The following HRK variants were observed in gnomAD, a reference collection of about 807,000 sequenced individuals.
HRK encodes the protein harakiri, BCL2 interacting protein.
In HRK, 6 loss-of-function variants were observed where a neutral mutation model predicts 5.9. The ratio of observed to expected loss-of-function variants is 1.02; its 90% CI spans 0.56 to 2.01. The LOEUF (loss-of-function observed/expected upper bound fraction) is 2.01. HRK is among the 30% of genes most tolerant of loss of function. The pLI is 0.00. For missense variants in HRK, 133 were observed against 128.3 expected, an observed-to-expected ratio of 1.04 and a Z score of -0.18; for synonymous variants, 85 against 65.1, an observed-to-expected ratio of 1.31 and a Z score of -1.47.
intron 1 of HRK, 148 bp downstream of exon 1, chr12:116,880,828 G>A (rs1374407437): frequency 3.0e-6 from 1 of 332,010 alleles, no homozygotes; most frequent in Non-Finnish European, 5.4e-6. Flanking sequence ...AAGAGGAGAG[G>A]TGGAGATGCT....
rs1878340551 is a variant in HRK, at chr12:116,860,926, C to T, written c.*597G>A. The T allele has an allele frequency of 6.6e-6, 1 of 152,106 alleles. No homozygotes were observed. Among genetic ancestry groups the T allele is most frequent in the African/African-American group, 2.4e-5 (1 of 41,394 alleles). The allele number at this position is 152,106 out of a possible 1,614,324, so 9.4% of individuals were successfully genotyped here. A position where few individuals can be genotyped will look rare whatever the true frequency, so the allele number is the denominator to read the frequency against. ...ACCTAGGTAAGTACAGAGGGAGAGGCTAGGACGAGTCAAGAAATGGAGGCA... is the reference window on the plus strand; with the variant it reads ...ACCTAGGTAAGTACAGAGGGAGAGGTTAGGACGAGTCAAGAAATGGAGGCA... On this transcript the variant is annotated 3_prime_UTR_variant, in exon 2 of 2. Transcript: ENST00000257572.
rs1879013760 is a variant in HRK at position 116,878,382 on chromosome 12, A to G, written c.*56+2594T>C. The G allele has an allele frequency of 6.6e-6, 1 of 152,176 alleles. No homozygotes were observed. The highest frequency in any genetic ancestry group is 1.5e-5 in the Non-Finnish European group (1 of 68,050). The allele number at this position is 152,176 out of a possible 1,614,324, so 9.4% of individuals were successfully genotyped here. ...TTCTTTTAGGGTAGGGAAGGTGGAGAGCACCCCATATCCAGCATAGAACGC... is the reference window on the plus strand; with the variant it reads ...TTCTTTTAGGGTAGGGAAGGTGGAGGGCACCCCATATCCAGCATAGAACGC... On this transcript the variant is annotated intron_variant, in intron 1 of 1. Transcript: ENST00000257572. The surrounding 1 kb of genome is among the most constrained non-coding windows in gnomAD (Gnocchi z 4.4).
intron 1 of HRK, among the ~76,000 whole-genome samples, chr12:116,873,613 T>A (rs1214777508): frequency 6.6e-6 from 1 of 152,056 alleles, no homozygotes; most frequent in African/African-American, 2.4e-5. Flanking sequence ...GCTCAAGCAA[T>A]CTTCCCACCT....
At chr12:116,880,410 A>G (rs945056824) in intron 1 of HRK, among the ~76,000 whole-genome samples, 2 of 152,182 alleles carry the variant, frequency 1.3e-5, no homozygotes, top group African/African-American at 2.4e-5. Flanking sequence ...AGATTGGGCC[A>G]GCCAGAAACC....
rs114116817 is a variant in HRK, at chr12:116,875,094, A to C, written c.*56+5882T>G. Among the ~76,000 whole-genome samples the C allele has an allele frequency of 4.5e-3, 683 of 152,328 alleles. 7 individuals carry two copies. The highest frequency in any genetic ancestry group is 0.015 in the African/African-American group (644 of 41,570). On this transcript the variant is annotated intron_variant, in intron 1 of 1. Transcript: ENST00000257572. ...TATAAAAAACACACATAAAAACAAT[A>C]CAGTATAATTAGTTACATAGCACTT... is the stretch of plus-strand genomic sequence containing the variant.
At chr12:116,864,858 C>T (rs974305702) in intron 1 of HRK, among the ~76,000 whole-genome samples, 9 of 152,154 alleles carry the variant, frequency 5.9e-5, no homozygotes, top group African/African-American at 2.2e-4. Context: ...TTTAAAACAT[C>T]AAGTCCATCA....
Position 116,862,375 on chromosome 12 carries a change from TAGTC to T in HRK, c.*57-913_*57-910del, listed in dbSNP as rs752763972. Among the ~76,000 whole-genome samples, 4 of 152,218 alleles carry T rather than the reference TAGTC, an allele frequency of 2.6e-5. No individual in the cohort carries two copies. In the East Asian group the frequency reaches 5.8e-4, roughly 22 times the overall value. ...GTGGTCTTTCCATACAATGGACTAT[TAGTC>T]AGCCATCAAAAAGGAATGAAGTATT... is the stretch of plus-strand genomic sequence containing the variant. On this transcript the variant is annotated intron_variant, in intron 1 of 1. Coordinates refer to ENST00000257572, the MANE Select transcript of HRK (RefSeq NM_003806.4). This position sits in a 1 kb window ranked among gnomAD's most constrained non-coding sequence, Gnocchi z 4.0.
rs945932595 is a variant in HRK at position 116,861,352 on chromosome 12, C to T, written c.*171G>A. 6.6e-6 allele frequency: 1 copy of T among 152,244 alleles called. No individual in the cohort carries two copies. The highest frequency in any genetic ancestry group is 2.4e-5 in the African/African-American group (1 of 41,448). The allele number at this position is 152,244 out of a possible 1,614,324, so 9.4% of individuals were successfully genotyped here. A position where few individuals can be genotyped will look rare whatever the true frequency, so the allele number is the denominator to read the frequency against. On this transcript the variant is annotated 3_prime_UTR_variant, in exon 2 of 2. Transcript: ENST00000257572. ...TGTGTTTCTACGATCGCTCCAGGCG[C>T]TGTCTTTACTCTCCACTTCCTTCTC... is the stretch of plus-strand genomic sequence containing the variant.
At chr12:116,876,467 A>C (rs1418655793) in intron 1 of HRK, among the ~76,000 whole-genome samples, 1 of 152,198 alleles carries the variant, frequency 6.6e-6, no homozygotes, top group African/African-American at 2.4e-5. Context: ...TCATTAAAGC[A>C]GGCTCCCGCT....
Position 116,857,071 on chromosome 12 carries a change from A to G in HRK, c.*4452T>C, listed in dbSNP as rs1462060692. 6.6e-6 allele frequency: 1 copy of G among 152,234 alleles called. No individual in the cohort carries two copies. The highest frequency in any genetic ancestry group is 1.5e-5 in the Non-Finnish European group (1 of 68,056). The allele number at this position is 152,234 out of a possible 1,614,324, so 9.4% of individuals were successfully genotyped here. ...GCCTTTACCAGATAGCAGGGCTCTC[A>G]GTAAATACTATATAACAATCTGCCA... is the stretch of plus-strand genomic sequence containing the variant. On this transcript the variant is annotated 3_prime_UTR_variant, in exon 2 of 2. Coordinates refer to ENST00000257572, the MANE Select transcript of HRK (RefSeq NM_003806.4).
rs1252637420 is a variant in HRK at position 116,862,256 on chromosome 12, C to A, written c.*57-790G>T. ...CCAGGAGCATCCACCACAGAATGCA[C>A]AAAATGTGTGCACAAATGCTCATGG... On this transcript the variant is annotated intron_variant, in intron 1 of 1. Coordinates refer to ENST00000257572, the MANE Select transcript of HRK (RefSeq NM_003806.4). The surrounding 1 kb of genome is among the most constrained non-coding windows in gnomAD (Gnocchi z 4.0). 6.6e-6 allele frequency among the ~76,000 whole-genome samples: 1 copy of A among 152,168 alleles called. No individual in the cohort carries two copies. Among genetic ancestry groups the A allele is most frequent in the Non-Finnish European group, 1.5e-5 (1 of 68,034 alleles).
intron 1 of HRK, among the ~76,000 whole-genome samples, chr12:116,868,641 A>G (rs1878632609): frequency 6.6e-6 from 1 of 152,256 alleles, no homozygotes; most frequent in Admixed American, 6.5e-5. Context: ...CTGGGTGTTC[A>G]CAAATTTCCT....
At chr12:116,876,120 G>A (rs924461225) in intron 1 of HRK, among the ~76,000 whole-genome samples, 5 of 152,100 alleles carry the variant, frequency 3.3e-5, no homozygotes, top group Admixed American at 6.5e-5. Context: ...AATTATCCCC[G>A]GGTGTGGCTC....
At chr12:116,880,332 CCT>C (rs1400148255) in intron 1 of HRK, among the ~76,000 whole-genome samples, 1 of 152,184 alleles carries the variant, frequency 6.6e-6, no homozygotes, top group Non-Finnish European at 1.5e-5. Flanking sequence ...AAACAGGACA[CCT>C]CACTCGAGAA....
In HRK at chr12:116,859,359, G is replaced by A. The variant is rs985331459; in HGVS notation, c.*2164C>T. 6.6e-6 allele frequency: 1 copy of A among 152,180 alleles called. No homozygotes were observed. Among genetic ancestry groups the A allele is most frequent in the South Asian group, 2.1e-4 (1 of 4,822 alleles). The allele number at this position is 152,180 out of a possible 1,614,324, so 9.4% of individuals were successfully genotyped here. On this transcript the variant is annotated 3_prime_UTR_variant, in exon 2 of 2. Coordinates refer to ENST00000257572, the MANE Select transcript of HRK (RefSeq NM_003806.4). Reference sequence around the variant, plus strand: ...CAGCCTTAAAGAAGCAGAGAACTGTGATTGGATACAGCTGTGTAGTAATGG... The same window carrying A: ...CAGCCTTAAAGAAGCAGAGAACTGTAATTGGATACAGCTGTGTAGTAATGG...
intron 1 of HRK, among the ~76,000 whole-genome samples, chr12:116,863,784 G>A (rs961155345): frequency 7.3e-5 from 11 of 150,758 alleles, no homozygotes; most frequent in Admixed American, 6.6e-5. Flanking sequence ...CTGCACCCTC[G>A]ACCTCCTGAG....
At chr12:116,872,326 T>C (rs1197204857) in intron 1 of HRK, among the ~76,000 whole-genome samples, 4 of 152,022 alleles carry the variant, frequency 2.6e-5, no homozygotes, top group Non-Finnish European at 5.9e-5. Context: ...GATTGCGCCA[T>C]TGCACTCCAG....
At chr12:116,868,745 C>T (rs1027384466) in intron 1 of HRK, among the ~76,000 whole-genome samples, 2 of 152,122 alleles carry the variant, frequency 1.3e-5, no homozygotes, top group Admixed American at 6.5e-5. Flanking sequence ...ATAGGCATGG[C>T]GGTTTGCATC....
intron 1 of HRK, among the ~76,000 whole-genome samples, chr12:116,864,217 G>A (rs191312698): frequency 6.6e-6 from 1 of 152,318 alleles, no homozygotes; most frequent in East Asian, 1.9e-4. Flanking sequence ...GTGTAACCCT[G>A]CAGCATTAGC....
Sources: allele counts gnomAD v4.1 joint callset (sites outside exome capture counted in the v4.1 genomes callset), GRCh38; gene constraint gnomAD v4.1.1; non-coding constraint Gnocchi (gnomAD v3.1); transcripts MANE v1.5; gene names NCBI Gene and HGNC (gene_info 2026-07-23, HGNC 2026-07-21).